RNF144A: variants seen among roughly 807,000 people sequenced by gnomAD.
RNF144A encodes ring finger protein 144A.
In RNF144A, 11 loss-of-function variants were observed where a neutral mutation model predicts 38.7. That is an observed-to-expected ratio of 0.28 (90% CI 0.18 to 0.47). RNF144A has a LOEUF of 0.47. RNF144A is among the 20% of genes least tolerant of loss of function. RNF144A has a pLI of 0.99. For synonymous variants in RNF144A, 149 were observed against 143.9 expected, an observed-to-expected ratio of 1.04 and a Z score of -0.25; for missense variants, 316 against 377.2, an observed-to-expected ratio of 0.84 and a Z score of 1.34.
chr2:6,997,820 T>G (rs376348), intron 3 of RNF144A, among the ~76,000 whole-genome samples: 75,055 of 151,982 alleles, frequency 0.49, 19,164 homozygotes, highest in South Asian at 0.77. Context: ...GGTCAAAGGG[T>G]ATGAAGTTGC....
At chr2:7,058,204 C>A (rs1461542708) in intron 6 of RNF144A, among the ~76,000 whole-genome samples, 2 of 151,406 alleles carry the variant, frequency 1.3e-5, no homozygotes, top group Non-Finnish European at 2.9e-5. Context: ...GAGACATGAA[C>A]AAAAAGTAGG....
chr2:7,010,393 A>G (rs911686538), intron 3 of RNF144A, among the ~76,000 whole-genome samples: 1 of 152,148 alleles, frequency 6.6e-6, no homozygotes, highest in Non-Finnish European at 1.5e-5. Flanking sequence ...CCTGCGTGTA[A>G]TGTTTGTGTT....
intron 2 of RNF144A, among the ~76,000 whole-genome samples, chr2:6,983,711 A>G (rs535867575): frequency 6.6e-6 from 1 of 151,978 alleles, no homozygotes; most frequent in Admixed American, 6.5e-5. Flanking sequence ...GTGTCTGTCT[A>G]CCTTATAGCA....
chr2:7,051,817 A>G (rs1673538872), intron 6 of RNF144A, among the ~76,000 whole-genome samples: 1 of 152,164 alleles, frequency 6.6e-6, no homozygotes, highest in Non-Finnish European at 1.5e-5. Flanking sequence ...TGAATCCAAG[A>G]GTGTGGCTCC....
intron 2 of RNF144A, among the ~76,000 whole-genome samples, chr2:6,950,384 G>T (rs1375771781): frequency 1.3e-5 from 2 of 152,162 alleles, no homozygotes; most frequent in Admixed American, 6.5e-5. Context: ...TTCATTTCAT[G>T]TTGTGTAATA....
intron 3 of RNF144A, among the ~76,000 whole-genome samples, chr2:7,008,940 C>T (rs1486761810): frequency 6.6e-6 from 1 of 152,238 alleles, no homozygotes; most frequent in Non-Finnish European, 1.5e-5. Flanking sequence ...CTGCTAACTT[C>T]CCACCTGGAG....
chr2:7,024,992 TG>T (rs1671788759), intron 7 of RNF144A, among the ~76,000 whole-genome samples: 1 of 147,248 alleles, frequency 6.8e-6, no homozygotes, highest in South Asian at 2.2e-4. Flanking sequence ...CAGACAGAAG[TG>T]GGGGCTGGGG....
Position 7,041,458 on chromosome 2 carries a change from C to T in RNF144A, c.*1698C>T, listed in dbSNP as rs928589452. ...GTCAAAATTACATTCAAAAAGCTCT[C>T]CTTGTAATTGCAAGTTTAGTAACTC... On this transcript the variant is annotated 3_prime_UTR_variant, in exon 9 of 9. Coordinates refer to ENST00000320892, the MANE Select transcript of RNF144A (RefSeq NM_014746.6). 3 of 985,796 alleles carry T rather than the reference C, an allele frequency of 3.0e-6. No homozygotes were observed. Among genetic ancestry groups the T allele is most frequent in the Non-Finnish European group, 3.6e-6 (3 of 829,938 alleles). The allele number at this position is 985,796 out of a possible 1,614,324, so 61.1% of individuals were successfully genotyped here.
chr2:6,926,253 A>G (rs1447716026), intron 1 of RNF144A, among the ~76,000 whole-genome samples: 2 of 152,188 alleles, frequency 1.3e-5, no homozygotes, highest in African/African-American at 4.8e-5. Context: ...CGTTTTTGTC[A>G]AGAAGCGACA....
chr2:7,021,857 G>C (rs1162281837), intron 6 of RNF144A, among the ~76,000 whole-genome samples: 1 of 152,250 alleles, frequency 6.6e-6, no homozygotes, highest in Non-Finnish European at 1.5e-5. Context: ...CAAAACTTTA[G>C]ATGGAGGCTG....
At chr2:6,969,273 T>C (rs1386167090) in intron 2 of RNF144A, among the ~76,000 whole-genome samples, 2 of 152,226 alleles carry the variant, frequency 1.3e-5, no homozygotes, top group Non-Finnish European at 2.9e-5. Context: ...GGAGGGCCTT[T>C]ACAGTGGTAA....
At chr2:6,980,062 C>T (rs1403472663) in intron 2 of RNF144A, among the ~76,000 whole-genome samples, 6 of 152,188 alleles carry the variant, frequency 3.9e-5, no homozygotes, top group African/African-American at 1.4e-4. Context: ...ATCTCAATAT[C>T]ATGAGAACAG....
chr2:6,986,272 G>C (rs931743299), intron 2 of RNF144A, among the ~76,000 whole-genome samples: 1 of 151,446 alleles, frequency 6.6e-6, no homozygotes, highest in African/African-American at 2.4e-5. Context: ...TAAAGCTTTC[G>C]GAGGCCCATT....
At chr2:6,918,734 C>T (rs959241523) in intron 1 of RNF144A, 2 of 132,574 alleles carry the variant, frequency 1.5e-5, no homozygotes. Flanking sequence ...ACAGCACTCC[C>T]GCCTGGGCGA....
chr2:7,051,263 C>T (rs951506684), intron 6 of RNF144A, among the ~76,000 whole-genome samples: 1 of 152,098 alleles, frequency 6.6e-6, no homozygotes, highest in Non-Finnish European at 1.5e-5. Context: ...GCCGCAGACG[C>T]CCCAAGAGAG....
intron 6 of RNF144A, among the ~76,000 whole-genome samples, chr2:7,055,972 G>C (rs1673724298): frequency 6.6e-6 from 1 of 152,138 alleles, no homozygotes; most frequent in South Asian, 2.1e-4. Context: ...TCTAGTGAGG[G>C]TCCTTATGGA....
At position 7,039,728 on chromosome 2, in the gene RNF144A, A is replaced by G. The variant is rs1323678549; in HGVS notation, c.847A>G (p.Ser283Gly). The G allele has an allele frequency of 6.2e-7, 1 of 1,613,852 alleles. No individual in the cohort carries two copies. The highest frequency in any genetic ancestry group is 1.3e-5 in the African/African-American group (1 of 74,914). The change falls in exon 9 of 9, where the codon AGT (serine) becomes GGT (glycine). Residue 283 changes from serine (S) to glycine (G), a missense_variant. Ser to Gly is a moderately conservative substitution (Grantham distance 56). Coordinates refer to ENST00000320892, the MANE Select transcript of RNF144A (RefSeq NM_014746.6). ...PFVLCCKCKC[S>G]KGDDDPLPT is the part of the protein sequence containing the mutation. ...TGTACTTTGCTGCAAGTGCAAGTGC[A>G]GTAAAGGTGACGACGACCCGTTACC...
chr2:7,045,534 T>G (rs1402550618), downstream of RNF144A, among the ~76,000 whole-genome samples: 2 of 152,136 alleles, frequency 1.3e-5, no homozygotes, highest in African/African-American at 4.8e-5. Flanking sequence ...GTTCTCCCTG[T>G]GTGCACGCCT....
chr2:7,057,766 A>T (rs558834490), intron 6 of RNF144A, among the ~76,000 whole-genome samples: 7 of 152,354 alleles, frequency 4.6e-5, no homozygotes, highest in Non-Finnish European at 5.9e-5. Context: ...CCATACCATC[A>T]TCATAATTGC....
Sources: allele counts gnomAD v4.1 joint callset (sites outside exome capture counted in the v4.1 genomes callset), GRCh38; gene constraint gnomAD v4.1.1; transcripts MANE v1.5; gene names NCBI Gene and HGNC (gene_info 2026-07-23, HGNC 2026-07-21).